Variants in CEP19 observed in about 807,000 individuals in gnomAD.
The protein encoded by CEP19 is centrosomal protein 19, also known as centrosomal protein of 19 kDa.
CEP19 carries 14 observed loss-of-function variants against 17.5 expected under a neutral mutation model. That is an observed-to-expected ratio of 0.80 (90% CI 0.53 to 1.25). CEP19 has a LOEUF of 1.25. Ranked by LOEUF, CEP19 falls within the 50% of genes most tolerant of loss-of-function variation. The probability of loss-of-function intolerance (pLI) is 0.00; values close to 1 mark genes in which losing one functional copy is unlikely to be tolerated. For synonymous variants in CEP19, 59 were observed against 65.5 expected (o/e 0.90, Z 0.48); for missense variants, 193 against 192.0 (o/e 1.01, Z -0.03).
chr3:196,708,620 T>C lies in CEP19; in HGVS notation c.38A>G (p.Gln13Arg), dbSNP rs765788516. ...CTAKKCGIRF[Q>R]PPAIILIYES... ...ATAGATTAAGATAATAGCTGGAGGC[T>C]GAAACCTAATCCCACATTTCTTGGC... Residue 13 changes from glutamine (Q) to arginine (R), a missense_variant, in exon 2 of 3, where the codon CAG (glutamine) becomes CGG (arginine). Physicochemically the swap from Gln to Arg is conservative, Grantham distance 43. Coordinates refer to ENST00000409690, the MANE Select transcript of CEP19 (RefSeq NM_032898.5). 1 of 1,614,136 alleles carries C rather than the reference T, an allele frequency of 6.2e-7. No homozygotes were observed. Among genetic ancestry groups the C allele is most frequent in the South Asian group, 1.1e-5 (1 of 91,086 alleles).
Position 196,709,204 on chromosome 3 carries a change from AG to A in CEP19, c.-70-478del, listed in dbSNP as rs1560071501. Among the ~76,000 whole-genome samples the A allele has an allele frequency of 3.3e-5, 5 of 152,158 alleles. No individual in the cohort carries two copies. The South Asian group carries it at 1.0e-3, about 31-fold the overall frequency. On this transcript the variant is annotated intron_variant, in intron 1 of 2. Transcript: ENST00000409690. The stretch of plus-strand genomic sequence containing the variant: ...GTCTTTACTATTTATCAATTAAGAA[AG>A]GGCATATCGAGCATCCTCGGTATCA...
chr3:196,711,582 GGGCTATAGGCGTGAGCCACCTGCCC>G (rs1235322538), intron 1 of CEP19, among the ~76,000 whole-genome samples: 2 of 152,112 alleles, frequency 1.3e-5, no homozygotes, highest in Non-Finnish European at 2.9e-5. Flanking sequence ...CAAAGTGCTG[GGGCTATAGGCGTGAGCCACCTGCCC>G]GGCTATTTTC....
At chr3:196,710,969 T>A (rs1285404497) in intron 1 of CEP19, among the ~76,000 whole-genome samples, 1 of 150,032 alleles carries the variant, frequency 6.7e-6, no homozygotes, top group African/African-American at 2.5e-5. Context: ...TTTTTTTTTT[T>A]AACGAATACT....
chr3:196,709,657 G>T (rs1188149711), intron 1 of CEP19, among the ~76,000 whole-genome samples: 1 of 152,148 alleles, frequency 6.6e-6, no homozygotes, highest in Non-Finnish European at 1.5e-5. Context: ...AATGTCTGCA[G>T]GGCTTTTATT....
chr3:196,708,583 G>C lies in CEP19; in HGVS notation c.75C>G (p.Ile25Met), dbSNP rs1214759109. Residue 25 changes from isoleucine to methionine, a missense_variant, in exon 2 of 3, where the codon ATC becomes ATG. Coordinates refer to ENST00000409690, the MANE Select transcript of CEP19 (RefSeq NM_032898.5). ...TAATGCGCTGGCGAATTTTCCCCTT[G>C]ATTTCACTCTCATAGATTAAGATAA... ...PAIILIYESE[I>M]KGKIRQRIMP... The C allele has an allele frequency of 6.2e-7, 1 of 1,613,998 alleles. No homozygotes were observed. Among genetic ancestry groups the C allele is most frequent in the Non-Finnish European group, 8.5e-7 (1 of 1,179,988 alleles).
Position 196,708,135 on chromosome 3 carries a change from AC to A in CEP19, c.131-224del, listed in dbSNP as rs201027696. On this transcript the variant is annotated intron_variant, in intron 2 of 2. Transcript: ENST00000409690. ...TGGGAGAAGGACAGATACAGTTTTG[AC>A]TTCTTTAACTTAAAAATCACTTTGT... Among the ~76,000 whole-genome samples the A allele has an allele frequency of 4.1e-3, 620 of 152,292 alleles. 15 individuals carry two copies. The highest frequency in any genetic ancestry group is 0.029 in the Admixed American group (442 of 15,298).
Position 196,707,466 on chromosome 3 carries a change from G to T in CEP19, c.*85C>A. ...AATCCCCTATAACCCAACATATTTAGTATTCTTTACAGCTTCTTCCAGAAC... is the reference window on the plus strand; with the variant it reads ...AATCCCCTATAACCCAACATATTTATTATTCTTTACAGCTTCTTCCAGAAC... On this transcript the variant is annotated 3_prime_UTR_variant, in exon 3 of 3. Coordinates refer to ENST00000409690, the MANE Select transcript of CEP19 (RefSeq NM_032898.5). 2 of 1,408,572 alleles carry T rather than the reference G, an allele frequency of 1.4e-6. No individual in the cohort carries two copies. Among genetic ancestry groups the T allele is most frequent in the Non-Finnish European group, 1.9e-6 (2 of 1,044,800 alleles). The allele number at this position is 1,408,572 out of a possible 1,614,324, so 87.3% of individuals were successfully genotyped here.
chr3:196,711,829 G>T, intron 1 of CEP19, 100 bp downstream of exon 1: 1 of 705,618 alleles, frequency 1.4e-6, no homozygotes, highest in South Asian at 1.5e-5. Flanking sequence ...CCACAATCTT[G>T]TTAGGAAGCC....
chr3:196,706,458 A>G lies in CEP19; in HGVS notation c.*1093T>C, dbSNP rs1711520594. On this transcript the variant is annotated 3_prime_UTR_variant, in exon 3 of 3. Coordinates refer to ENST00000409690, the MANE Select transcript of CEP19 (RefSeq NM_032898.5). ...CCTAAACTGGCAGTGCCTATTGTTC[A>G]TTTATTATGGGTGGATTTCCCATTT... is the stretch of plus-strand genomic sequence containing the variant. The G allele has an allele frequency of 6.6e-6, 1 of 152,152 alleles. No homozygotes were observed. Among genetic ancestry groups the G allele is most frequent in the African/African-American group, 2.4e-5 (1 of 41,436 alleles). The allele number at this position is 152,152 out of a possible 1,614,324, so 9.4% of individuals were successfully genotyped here.
At position 196,708,637 on chromosome 3, in the gene CEP19, T is replaced by C. The variant is rs759009947; in HGVS notation, c.21A>G (p.Lys7=). The change falls in exon 2 of 3, where the codon AAA becomes AAG. Residue 7 remains lysine, a synonymous_variant. Transcript: ENST00000409690. MMCTAK[K]CGIRFQPPAI... The stretch of plus-strand genomic sequence containing the variant: ...CTGGAGGCTGAAACCTAATCCCACA[T>C]TTCTTGGCAGTGCACATCATTCCCA... 1.2e-6 allele frequency: 2 copies of C among 1,614,144 alleles called. No individual in the cohort carries two copies. The highest frequency in any genetic ancestry group is 1.7e-6 in the Non-Finnish European group (2 of 1,179,974).
Position 196,711,831 on chromosome 3 carries a change from T to C in CEP19, c.-71+98A>G, listed in dbSNP as rs139318262. 3.5e-3 allele frequency: 2,462 copies of C among 706,016 alleles called. 31 individuals carry two copies. The highest frequency in any genetic ancestry group is 0.03 in the African/African-American group (1,729 of 57,056). The allele number at this position is 706,016 out of a possible 1,614,324, so 43.7% of individuals were successfully genotyped here. On this transcript the variant is annotated intron_variant, in intron 1 of 2. Coordinates refer to ENST00000409690, the MANE Select transcript of CEP19 (RefSeq NM_032898.5). The stretch of plus-strand genomic sequence containing the variant: ...GATCAGTAACTGCCCACAATCTTGT[T>C]AGGAAGCCCCACAGCACCTAAGGGT...
intron 1 of CEP19, among the ~76,000 whole-genome samples, chr3:196,710,488 T>C (rs570616840): frequency 1.8e-4 from 27 of 152,178 alleles, no homozygotes; most frequent in African/African-American, 6.3e-4. Context: ...GAGGTTGCAG[T>C]GAGCTGAGAT....
At chr3:196,711,626 A>G (rs748306724) in intron 1 of CEP19, among the ~76,000 whole-genome samples, 9 of 152,150 alleles carry the variant, frequency 5.9e-5, no homozygotes, top group Non-Finnish European at 1.3e-4. Context: ...TCAGTTTTGG[A>G]TAGTATGTTT....
Position 196,707,928 on chromosome 3 carries a change from A to G in CEP19, c.131-16T>C. 1 of 1,603,576 alleles carries G rather than the reference A, an allele frequency of 6.2e-7. No individual in the cohort carries two copies. The highest frequency in any genetic ancestry group is 1.7e-5 in the Admixed American group (1 of 59,570). ...CTGGTGCAATCTGGGAGAGAGAAGA[A>G]AACTATATACCACATACGTACCACG... On this transcript the variant is annotated splice_polypyrimidine_tract_variant and intron_variant, in intron 2 of 2. Coordinates refer to ENST00000409690, the MANE Select transcript of CEP19 (RefSeq NM_032898.5).
At chr3:196,710,833 G>A (rs1216497145) in intron 1 of CEP19, among the ~76,000 whole-genome samples, 2 of 104,618 alleles carry the variant, frequency 1.9e-5, no homozygotes, top group Non-Finnish European at 3.5e-5. Flanking sequence ...AGCATGATAC[G>A]CCTATTCTTA....
At chr3:196,707,967 C>A in intron 2 of CEP19, 55 bp from the exon 3 acceptor site, 1 of 1,534,590 alleles carries the variant, frequency 6.5e-7, no homozygotes, top group Non-Finnish European at 8.7e-7. Flanking sequence ...ATCATATACG[C>A]CATAAACTAC....
rs148923225 is a variant in CEP19, at chr3:196,709,002, G to A, written c.-70-275C>T. 6.6e-3 allele frequency: 1,414 copies of A among 213,412 alleles called. 19 individuals carry two copies. Among genetic ancestry groups the A allele is most frequent in the African/African-American group, 0.029 (1,277 of 43,472 alleles). The allele number at this position is 213,412 out of a possible 1,614,324, so 13.2% of individuals were successfully genotyped here. On this transcript the variant is annotated intron_variant, in intron 1 of 2. Coordinates refer to ENST00000409690, the MANE Select transcript of CEP19 (RefSeq NM_032898.5). ...TTTTGAGAACTGCCCTGAAAGTTCA[G>A]CTTGGCCCTGGGTTAGTTTCAACCT...
Position 196,706,669 on chromosome 3 carries a change from A to G in CEP19, c.*882T>C, listed in dbSNP as rs1201454430. ...ATAATATAAAGATATAACACATAAGAGGTAATTCCCTGGTAACCATATATG... is the reference window on the plus strand; with the variant it reads ...ATAATATAAAGATATAACACATAAGGGGTAATTCCCTGGTAACCATATATG... On this transcript the variant is annotated 3_prime_UTR_variant, in exon 3 of 3. Coordinates refer to ENST00000409690, the MANE Select transcript of CEP19 (RefSeq NM_032898.5). The G allele has an allele frequency of 1.3e-5, 2 of 152,164 alleles. No individual in the cohort carries two copies. The highest frequency in any genetic ancestry group is 2.9e-5 in the Non-Finnish European group (2 of 68,026). The allele number at this position is 152,164 out of a possible 1,614,324, so 9.4% of individuals were successfully genotyped here.
At position 196,707,808 on chromosome 3, in the gene CEP19, C is replaced by T. The variant is rs1711581945; in HGVS notation, c.235G>A (p.Gly79Ser). The change falls in exon 3 of 3, where the codon GGT (glycine) becomes AGT (serine). Residue 79 changes from glycine to serine, a missense_variant. Gly to Ser is a moderately conservative substitution (Grantham distance 56). Transcript: ENST00000409690. The stretch of plus-strand genomic sequence containing the variant: ...GCCAGACTCTGCCCCGACAAGTAAC[C>T]TCGTAAAAAACTGAATAGCTTCTCT... ...QLEKLFSFLR[G>S]YLSGQSLAET... 1 of 1,614,012 alleles carries T rather than the reference C, an allele frequency of 6.2e-7. No individual in the cohort carries two copies. The highest frequency in any genetic ancestry group is 1.3e-5 in the African/African-American group (1 of 74,914).
Sources: gnomAD v4.1 joint callset for allele counts (sites outside exome capture counted in the v4.1 genomes callset) on GRCh38, gnomAD v4.1.1 for gene constraint, MANE v1.5 for transcripts, NCBI Gene and HGNC (gene_info 2026-07-23, HGNC 2026-07-21) for gene names.